Variants in MCTP2 observed in about 807,000 individuals in gnomAD.
MCTP2 encodes the protein multiple C2 and transmembrane domain containing 2.
A neutral mutation model predicts 111.6 loss-of-function variants in MCTP2; 132 were observed. That is an observed-to-expected ratio of 1.18 (90% CI 1.03 to 1.37). MCTP2 has a LOEUF of 1.37. MCTP2 is among the 40% of genes most tolerant of loss of function. MCTP2 has a pLI of 0.00. For synonymous variants in MCTP2, 395 were observed against 387.7 expected (o/e 1.02, Z -0.22); for missense variants, 1,183 against 1,067.9 (o/e 1.11, Z -1.50).
chr15:94,329,394 T>G (rs1488080791), intron 4 of MCTP2, among the ~76,000 whole-genome samples: 1 of 152,164 alleles, frequency 6.6e-6, no homozygotes, highest in Non-Finnish European at 1.5e-5. Context: ...CTGGATAATT[T>G]ATAAAGATAA....
chr15:94,390,747 T>TTTTTGA (rs1567605301), intron 14 of MCTP2, among the ~76,000 whole-genome samples: 1 of 140,878 alleles, frequency 7.1e-6, no homozygotes, highest in African/African-American at 2.7e-5. Flanking sequence ...TTTTTTTTTT[T>TTTTTGA]GGGATGGAGT....
chr15:94,374,354 G>T (rs1440469422), intron 12 of MCTP2, among the ~76,000 whole-genome samples: 1 of 152,186 alleles, frequency 6.6e-6, no homozygotes, highest in East Asian at 1.9e-4. Flanking sequence ...CCAATGAAGA[G>T]TAGGAAACTA....
At chr15:94,466,330 C>T (rs144468907) in intron 20 of MCTP2, among the ~76,000 whole-genome samples, 2 of 151,940 alleles carry the variant, frequency 1.3e-5, no homozygotes, top group African/African-American at 4.8e-5. Context: ...GGAGAGTACT[C>T]AAACATCATA....
intron 2 of MCTP2, among the ~76,000 whole-genome samples, chr15:94,305,495 A>G (rs928897097): frequency 6.6e-6 from 1 of 152,118 alleles, no homozygotes; most frequent in African/African-American, 2.4e-5. Context: ...ATATATATAT[A>G]TATGTATGGG....
At chr15:94,326,078 C>T (rs2076858894) in intron 4 of MCTP2, among the ~76,000 whole-genome samples, 1 of 152,018 alleles carries the variant, frequency 6.6e-6, no homozygotes, top group African/African-American at 2.4e-5. Context: ...CTCAGCCTCC[C>T]AAAGTGCTGG....
Position 94,402,033 on chromosome 15 carries a change from C to G in MCTP2, c.2085+14C>G, listed in dbSNP as rs1311189762. 3 of 1,607,994 alleles carry G rather than the reference C, an allele frequency of 1.9e-6. No homozygotes were observed. Among genetic ancestry groups the G allele is most frequent in the African/African-American group, 2.7e-5 (2 of 74,530 alleles). ...ATAGCATTCGCGGTAAGCTTCCTTT[C>G]TTATGTTCAAACTATTTGCTTCTTA... On this transcript the variant is annotated intron_variant, in intron 17 of 22. Transcript: ENST00000357742.
chr15:94,467,187 G>A (rs1750224665), intron 20 of MCTP2, among the ~76,000 whole-genome samples: 1 of 152,120 alleles, frequency 6.6e-6, no homozygotes, highest in Non-Finnish European at 1.5e-5. Flanking sequence ...AATTACGTAA[G>A]GCCATAGAGC....
intron 1 of MCTP2, among the ~76,000 whole-genome samples, chr15:94,249,791 T>A (rs572838297): frequency 3.7e-4 from 56 of 152,076 alleles, no homozygotes; most frequent in African/African-American, 1.3e-3. Context: ...GGCCAGAATC[T>A]TTTTTTTAAT....
At chr15:94,359,136 T>C (rs2078784675) in intron 10 of MCTP2, among the ~76,000 whole-genome samples, 1 of 152,182 alleles carries the variant, frequency 6.6e-6, no homozygotes, top group Non-Finnish European at 1.5e-5. Flanking sequence ...TTATTGCTTC[T>C]TCCTAGGGTT....
At chr15:94,272,510 C>T (rs1335253836) in intron 1 of MCTP2, among the ~76,000 whole-genome samples, 8 of 152,056 alleles carry the variant, frequency 5.3e-5, no homozygotes, top group Admixed American at 1.3e-4. Context: ...CTTTCCCACT[C>T]TCTTCTGAAC....
chr15:94,391,310 G>A (rs1203246302), intron 14 of MCTP2, among the ~76,000 whole-genome samples: 2 of 152,064 alleles, frequency 1.3e-5, no homozygotes, highest in Admixed American at 6.5e-5. Flanking sequence ...CACCTGTGAT[G>A]GGTTTGTGCT....
intron 4 of MCTP2, among the ~76,000 whole-genome samples, chr15:94,326,219 G>A (rs1040879834): frequency 6.6e-6 from 1 of 152,028 alleles, no homozygotes; most frequent in Non-Finnish European, 1.5e-5. Context: ...ATTTTTCTCT[G>A]TATTATAAAA....
intron 20 of MCTP2, among the ~76,000 whole-genome samples, chr15:94,458,848 A>T (rs1343985692): frequency 1.3e-5 from 2 of 152,238 alleles, no homozygotes; most frequent in African/African-American, 2.4e-5. Flanking sequence ...GTGTAAAAGG[A>T]GTAACAGTTA....
At chr15:94,286,960 A>G (rs2074788437) in intron 1 of MCTP2, among the ~76,000 whole-genome samples, 1 of 152,204 alleles carries the variant, frequency 6.6e-6, no homozygotes, top group Non-Finnish European at 1.5e-5. Context: ...CAAGGGTCAC[A>G]TTTTAGCTTA....
intron 8 of MCTP2, 189 bp from the exon 9 acceptor site, chr15:94,355,948 C>T (rs941633307): frequency 2.3e-5 from 29 of 1,246,414 alleles, no homozygotes; most frequent in Non-Finnish European, 2.7e-5. Context: ...ATTACCACTC[C>T]AAAGCTTGAG....
intron 2 of MCTP2, among the ~76,000 whole-genome samples, chr15:94,304,030 C>T (rs1451615897): frequency 6.6e-6 from 1 of 152,206 alleles, no homozygotes. Flanking sequence ...TGCTCTAAGA[C>T]ATGTACTAAC....
chr15:94,334,713 C>CT (rs113211374), intron 4 of MCTP2, among the ~76,000 whole-genome samples: 23 of 147,230 alleles, frequency 1.6e-4, no homozygotes, highest in Admixed American at 3.4e-4. Flanking sequence ...TTTTTTGAAA[C>CT]TTTTTTTTTT....
intron 12 of MCTP2, among the ~76,000 whole-genome samples, chr15:94,377,956 G>A (rs1419288668): frequency 6.6e-6 from 1 of 152,084 alleles, no homozygotes; most frequent in Non-Finnish European, 1.5e-5. Context: ...AGGACGAGAA[G>A]ACAGAAAGCA....
chr15:94,480,719 T>C lies in MCTP2; in HGVS notation c.*1685T>C, dbSNP rs2074683443. 1 of 152,244 alleles carries C rather than the reference T, an allele frequency of 6.6e-6. No homozygotes were observed. The highest frequency in any genetic ancestry group is 2.4e-5 in the African/African-American group (1 of 41,468). 9.4% of individuals were successfully genotyped at this position (152,244 alleles called of 1,614,324 possible). ...GACATTTTTAAACAGACATGTGAGA[T>C]CTGATCAGTCATTTGAATGAAAACT... is the stretch of plus-strand genomic sequence containing the variant. On this transcript the variant is annotated 3_prime_UTR_variant, in exon 23 of 23. Coordinates refer to ENST00000357742, the MANE Select transcript of MCTP2 (RefSeq NM_001385001.1).
Sources: gnomAD v4.1 joint callset for allele counts (sites outside exome capture counted in the v4.1 genomes callset) on GRCh38, gnomAD v4.1.1 for gene constraint, MANE v1.5 for transcripts, NCBI Gene and HGNC (gene_info 2026-07-23, HGNC 2026-07-21) for gene names.